Variants in BICRA observed in about 807,000 individuals in gnomAD.
BICRA encodes BRD4 interacting chromatin remodeling complex associated protein.
BICRA carries 31 observed loss-of-function variants against 96.9 expected under a neutral mutation model. The observed-to-expected ratio is 0.32, with a 90% CI of 0.24 to 0.43. The LOEUF (loss-of-function observed/expected upper bound fraction) is 0.43. Among genes scored for constraint, BICRA ranks in the 20% least tolerant of loss-of-function variants. The pLI is 1.00. For synonymous variants in BICRA, 1,350 were observed against 1,071.8 expected, an observed-to-expected ratio of 1.26 and a Z score of -5.07; for missense variants, 2,283 against 2,190.3, an observed-to-expected ratio of 1.04 and a Z score of -0.84.
chr19:47,701,554 C>T lies in BICRA; in HGVS notation c.3822C>T (p.Ser1274=). Residue 1274 remains serine (S), a synonymous_variant, in exon 15 of 15, where the codon TCC becomes TCT. Coordinates refer to ENST00000594866, the MANE Select transcript of BICRA (RefSeq NM_001394372.1). This position sits in a 1 kb window ranked among gnomAD's most constrained non-coding sequence, Gnocchi z 5.4. The part of the protein sequence containing the change: ...ASSSLSSSSS[S]SSAASSLDAD... ...CCTCCCTGTCCTCCTCTTCCTCCTC[C>T]TCCTCTGCCGCCTCCTCCTTGGACG... is the stretch of plus-strand genomic sequence containing the variant. The T allele has an allele frequency of 1.3e-6, 2 of 1,551,160 alleles. No homozygotes were observed. Among genetic ancestry groups the T allele is most frequent in the East Asian group, 2.4e-5 (1 of 40,954 alleles).
At chr19:47,670,191 T>C (rs1972843392) in intron 1 of BICRA, among the ~76,000 whole-genome samples, 1 of 142,776 alleles carries the variant, frequency 7.0e-6, no homozygotes, top group African/African-American at 2.6e-5. Context: ...TGAGCTCCAG[T>C]GATACTCCTG....
chr19:47,609,410 C>T (rs1280990584), intron 1 of BICRA, among the ~76,000 whole-genome samples: 6 of 147,306 alleles, frequency 4.1e-5, no homozygotes, highest in Non-Finnish European at 6.0e-5. Flanking sequence ...CTGCTCGGCG[C>T]CCACCGCCAC....
upstream of BICRA, among the ~76,000 whole-genome samples, chr19:47,608,757 G>A (rs886763430): frequency 6.6e-6 from 1 of 151,686 alleles, no homozygotes; most frequent in Non-Finnish European, 1.5e-5. Flanking sequence ...CCGCCGCTCG[G>A]CCTGGCGGGG....
In BICRA at chr19:47,684,517, G is replaced by A. The variant is rs113948600; in HGVS notation, c.2283+2365G>A. ...ATTTTTAGTAGAGAGATGGGGTTTC[G>A]CCATGTTGGCCAGGCTGGTCTCAAA... On this transcript the variant is annotated intron_variant, in intron 7 of 14. Coordinates refer to ENST00000594866, the MANE Select transcript of BICRA (RefSeq NM_001394372.1). Among the ~76,000 whole-genome samples, 8 of 152,054 alleles carry A rather than the reference G, an allele frequency of 5.3e-5. 1 individual carries two copies. Among genetic ancestry groups the A allele is most frequent in the African/African-American group, 1.4e-4 (6 of 41,468 alleles).
intron 1 of BICRA, among the ~76,000 whole-genome samples, chr19:47,670,229 C>T (rs921125271): frequency 2.0e-5 from 3 of 152,166 alleles, no homozygotes; most frequent in African/African-American, 4.8e-5. Context: ...GCTGAATTTA[C>T]AGGCGTGAGC....
chr19:47,677,852 T>A (rs1266003070), intron 5 of BICRA, among the ~76,000 whole-genome samples: 1 of 152,214 alleles, frequency 6.6e-6, no homozygotes, highest in Non-Finnish European at 1.5e-5. Flanking sequence ...GAATTTCGAA[T>A]TTCTCCAATT....
At chr19:47,689,328 TC>T (rs891846083) in intron 7 of BICRA, among the ~76,000 whole-genome samples, 1 of 152,182 alleles carries the variant, frequency 6.6e-6, no homozygotes, top group African/African-American at 2.4e-5. Flanking sequence ...GGTCTTGAAC[TC>T]CTGGGCTCAA....
intron 1 of BICRA, among the ~76,000 whole-genome samples, chr19:47,658,970 C>T (rs569683991): frequency 1.3e-5 from 2 of 152,160 alleles, no homozygotes; most frequent in Non-Finnish European, 2.9e-5. Context: ...CCACCCACCC[C>T]GAATGCCTGT....
intron 1 of BICRA, among the ~76,000 whole-genome samples, chr19:47,658,696 G>C (rs1568560596): frequency 6.6e-6 from 1 of 150,950 alleles, no homozygotes; most frequent in Non-Finnish European, 1.5e-5. Flanking sequence ...AGTGTGGTCT[G>C]TGCCAGCAGC....
At position 47,699,314 on chromosome 19, in the gene BICRA, C is replaced by T. The variant is rs1973403400; in HGVS notation, c.3504C>T (p.Pro1168=). 5 of 1,559,922 alleles carry T rather than the reference C, an allele frequency of 3.2e-6. No homozygotes were observed. The highest frequency in any genetic ancestry group is 1.4e-5 in the African/African-American group (1 of 73,556). ...LLLEESRRVS[P]SAEMVMIDRM... is the part of the protein sequence containing the mutation. The stretch of plus-strand genomic sequence containing the variant: ...TTCCCCCACCCCAGAGGGTGAGCCC[C>T]TCAGCGGAGATGGTAATGATCGACC... Residue 1168 remains proline (P), a synonymous_variant, in exon 14 of 15, where the codon CCC becomes CCT. Coordinates refer to ENST00000594866, the MANE Select transcript of BICRA (RefSeq NM_001394372.1). The surrounding 1 kb of genome is among the most constrained non-coding windows in gnomAD (Gnocchi z 5.0).
chr19:47,650,343 G>C (rs1972523159), intron 1 of BICRA, among the ~76,000 whole-genome samples: 1 of 152,166 alleles, frequency 6.6e-6, no homozygotes, highest in African/African-American at 2.4e-5. Flanking sequence ...ATGTTGGCCA[G>C]ACTAGTCTCA....
intron 9 of BICRA, 104 bp downstream of exon 9, chr19:47,695,184 C>T (rs1407624809): frequency 2.4e-6 from 2 of 845,624 alleles, no homozygotes; most frequent in Non-Finnish European, 3.6e-6. Flanking sequence ...GGACTCAGCA[C>T]AGGGCATCAG....
At chr19:47,664,964 T>G (rs1972755419) in intron 1 of BICRA, among the ~76,000 whole-genome samples, 1 of 152,200 alleles carries the variant, frequency 6.6e-6, no homozygotes, top group Admixed American at 6.5e-5. Context: ...ACACCAGGGC[T>G]TGTCTCCAGG....
At chr19:47,647,731 G>A (rs1438320716) in intron 1 of BICRA, among the ~76,000 whole-genome samples, 1 of 152,050 alleles carries the variant, frequency 6.6e-6, no homozygotes, top group Non-Finnish European at 1.5e-5. Context: ...CCCTTGCTCT[G>A]TGGACTTGAG....
intron 1 of BICRA, among the ~76,000 whole-genome samples, chr19:47,669,111 A>T (rs1487023001): frequency 1.3e-5 from 2 of 152,070 alleles, no homozygotes; most frequent in Middle Eastern, 3.4e-3. Flanking sequence ...CACACAAAAA[A>T]ATAAATAAAA....
intron 1 of BICRA, among the ~76,000 whole-genome samples, chr19:47,634,984 G>T (rs892796138): frequency 6.6e-6 from 1 of 151,830 alleles, no homozygotes; most frequent in African/African-American, 2.4e-5. Context: ...AGATGGTCTC[G>T]ATCTCCTGAC....
intron 1 of BICRA, among the ~76,000 whole-genome samples, chr19:47,660,001 C>T (rs966715259): frequency 2.0e-5 from 3 of 152,146 alleles, no homozygotes; most frequent in African/African-American, 4.8e-5. Context: ...GTATTGTATG[C>T]GTCTCTGTCT....
intron 1 of BICRA, among the ~76,000 whole-genome samples, chr19:47,647,601 C>T (rs1333190445): frequency 6.6e-6 from 1 of 152,038 alleles, no homozygotes; most frequent in Non-Finnish European, 1.5e-5. Flanking sequence ...GATCTGTGGG[C>T]TCCTCTCTCT....
At position 47,680,683 on chromosome 19, in the gene BICRA, A is replaced by G; in HGVS notation, c.1513A>G (p.Thr505Ala). 1.2e-6 allele frequency: 2 copies of G among 1,602,626 alleles called. No homozygotes were observed. Among genetic ancestry groups the G allele is most frequent in the African/African-American group, 1.3e-5 (1 of 74,678 alleles). Residue 505 changes from threonine (T) to alanine (A), a missense_variant, in exon 6 of 15, where the codon ACA becomes GCA. Coordinates refer to ENST00000594866, the MANE Select transcript of BICRA (RefSeq NM_001394372.1). Reference sequence around the variant, plus strand: ...GATCCTGGCGGCCGCTGCCCCCCACACAGGTGGACAGCTCATCGCGAACCC... The same window carrying G: ...GATCCTGGCGGCCGCTGCCCCCCACGCAGGTGGACAGCTCATCGCGAACCC... ...GQILAAAAPH[T>A]GGQLIANPIL... is the part of the protein sequence containing the mutation.
Sources: allele counts gnomAD v4.1 joint callset (sites outside exome capture counted in the v4.1 genomes callset), GRCh38; gene constraint gnomAD v4.1.1; non-coding constraint Gnocchi (gnomAD v3.1); transcripts MANE v1.5; gene names NCBI Gene and HGNC (gene_info 2026-07-23, HGNC 2026-07-21).